ANKRD6: variants seen among roughly 807,000 people sequenced by gnomAD.
ANKRD6 encodes the protein ankyrin repeat domain-containing protein 6.
Under a neutral mutation model 82.3 loss-of-function variants are expected in ANKRD6, and 56 were observed. The observed-to-expected ratio is 0.68, with a 90% CI of 0.55 to 0.85. The LOEUF is 0.85. ANKRD6 is among the 40% of genes least tolerant of loss of function. The probability of loss-of-function intolerance (pLI) is 0.00; values close to 1 mark genes in which losing one functional copy is unlikely to be tolerated. For missense variants in ANKRD6, 852 were observed against 907.6 expected (o/e 0.94, Z 0.79); for synonymous variants, 347 against 352.1 (o/e 0.99, Z 0.16).
chr6:89,539,873 CAA>C (rs749956078), intron 1 of ANKRD6, among the ~76,000 whole-genome samples: 1 of 135,332 alleles, frequency 7.4e-6, no homozygotes. Flanking sequence ...TTGGATTCTA[CAA>C]AAAAAAAAAA....
intron 2 of ANKRD6, among the ~76,000 whole-genome samples, chr6:89,592,515 A>C (rs1795101843): frequency 6.6e-6 from 1 of 152,140 alleles, no homozygotes; most frequent in East Asian, 1.9e-4. Flanking sequence ...TCATTTCTCC[A>C]CTGGCGGTTC....
intron 2 of ANKRD6, among the ~76,000 whole-genome samples, chr6:89,580,040 G>C (rs74925007): frequency 0.11 from 17,114 of 152,098 alleles, 1,191 homozygotes; most frequent in Middle Eastern, 0.2. Flanking sequence ...GGAGATGGTG[G>C]GAAATTATTG....
chr6:89,518,388 G>A (rs1781478859), intron 1 of ANKRD6, among the ~76,000 whole-genome samples: 1 of 149,310 alleles, frequency 6.7e-6, no homozygotes, highest in African/African-American at 2.5e-5. Flanking sequence ...GGCAACAAGA[G>A]TAAGACTCCG....
At position 89,620,985 on chromosome 6, in the gene ANKRD6, C is replaced by T. The variant is rs557730941; in HGVS notation, c.793-937C>T. On this transcript the variant is annotated intron_variant, in intron 9 of 15. Coordinates refer to ENST00000339746, the MANE Select transcript of ANKRD6 (RefSeq NM_001242809.2). ...TCGGGAAGCTGAGGCAGGAGAATGG[C>T]GTGAACCCGGGAGGCGGAGCTTGCA... is the stretch of plus-strand genomic sequence containing the variant. Among the ~76,000 whole-genome samples, 6 of 152,150 alleles carry T rather than the reference C, an allele frequency of 3.9e-5. No individual in the cohort carries two copies. In the East Asian group the frequency reaches 5.8e-4, roughly 15 times the overall value.
At chr6:89,610,813 A>C (rs566073181) in intron 5 of ANKRD6, among the ~76,000 whole-genome samples, 1 of 152,080 alleles carries the variant, frequency 6.6e-6, no homozygotes, top group Admixed American at 6.5e-5. Flanking sequence ...TAAAAAAAAA[A>C]AAAACCTGAA....
At chr6:89,557,848 G>T (rs556004104) in intron 1 of ANKRD6, among the ~76,000 whole-genome samples, 1 of 152,058 alleles carries the variant, frequency 6.6e-6, no homozygotes, top group African/African-American at 2.4e-5. Flanking sequence ...AGGGATCTGG[G>T]TCATGTTCTC....
chr6:89,460,265 T>C (rs1015977553), intron 1 of ANKRD6, among the ~76,000 whole-genome samples: 1 of 151,990 alleles, frequency 6.6e-6, no homozygotes, highest in Non-Finnish European at 1.5e-5. Context: ...CTTTTTTTAC[T>C]TAAAGTTTTA....
chr6:89,534,913 T>C (rs1207214831), intron 1 of ANKRD6, among the ~76,000 whole-genome samples: 1 of 152,184 alleles, frequency 6.6e-6, no homozygotes, highest in East Asian at 1.9e-4. Context: ...AGCTAATGTC[T>C]GAGAAAGGCT....
At chr6:89,464,346 A>G (rs917824232) in intron 1 of ANKRD6, among the ~76,000 whole-genome samples, 3 of 152,228 alleles carry the variant, frequency 2.0e-5, no homozygotes, top group Non-Finnish European at 2.9e-5. Flanking sequence ...AGCTTGTTTT[A>G]TACTGATTCT....
intron 1 of ANKRD6, among the ~76,000 whole-genome samples, chr6:89,475,286 G>A (rs1425334984): frequency 1.3e-5 from 2 of 152,144 alleles, no homozygotes; most frequent in Non-Finnish European, 2.9e-5. Context: ...AAAAATATCA[G>A]AGTCATGCAC....
intron 1 of ANKRD6, among the ~76,000 whole-genome samples, chr6:89,440,142 G>A (rs370978424): frequency 6.6e-6 from 1 of 152,166 alleles, no homozygotes; most frequent in African/African-American, 2.4e-5. Flanking sequence ...AAAAACAAAT[G>A]GAAGTTTATT....
Position 89,608,368 on chromosome 6 carries a change from C to CACACACACACACACACACACACACTA in ANKRD6, c.417+2263_417+2264insACACACACACACACACACACACACTA. On this transcript the variant is annotated intron_variant, in intron 5 of 15. Coordinates refer to ENST00000339746, the MANE Select transcript of ANKRD6 (RefSeq NM_001242809.2). ...ACCCTCCCTAATACACACACACACA[C>CACACACACACACACACACACACACTA]TATATATATATATATATGTACAATT... Among the ~76,000 whole-genome samples the CACACACACACACACACACACACACTA allele has an allele frequency of 3.3e-4, 43 of 130,746 alleles. 1 individual carries two copies. Among genetic ancestry groups the CACACACACACACACACACACACACTA allele is most frequent in the African/African-American group, 1.3e-3 (41 of 32,740 alleles). The allele number at this position is 130,746 out of a possible 152,430, so 85.8% of individuals were successfully genotyped here. A position where few individuals can be genotyped will look rare whatever the true frequency, so the allele number is the denominator to read the frequency against.
At chr6:89,524,951 G>T (rs757922552) in intron 1 of ANKRD6, among the ~76,000 whole-genome samples, 31 of 151,666 alleles carry the variant, frequency 2.0e-4, no homozygotes, top group Non-Finnish European at 4.1e-4. Context: ...TCTGATTATG[G>T]TTTTAATTTG....
At chr6:89,576,415 G>A (rs187102555) in intron 2 of ANKRD6, among the ~76,000 whole-genome samples, 14 of 152,254 alleles carry the variant, frequency 9.2e-5, no homozygotes, top group African/African-American at 3.4e-4. Flanking sequence ...TTTTCAGCTG[G>A]AACAGGTAAT....
chr6:89,471,066 T>C (rs1478089007), intron 1 of ANKRD6, among the ~76,000 whole-genome samples: 1 of 152,092 alleles, frequency 6.6e-6, no homozygotes, highest in Non-Finnish European at 1.5e-5. Flanking sequence ...CACACACTTA[T>C]GTGTTTTCCT....
At chr6:89,497,827 C>T (rs913995433) in intron 1 of ANKRD6, among the ~76,000 whole-genome samples, 1 of 152,134 alleles carries the variant, frequency 6.6e-6, no homozygotes, top group African/African-American at 2.4e-5. Flanking sequence ...AGTTTGAGAA[C>T]GTTTTCATTA....
chr6:89,593,849 G>A (rs527551091), intron 2 of ANKRD6, among the ~76,000 whole-genome samples: 2 of 152,204 alleles, frequency 1.3e-5, no homozygotes, highest in African/African-American at 2.4e-5. Flanking sequence ...TCTCTAGATA[G>A]AAGTTGATTC....
intron 5 of ANKRD6, among the ~76,000 whole-genome samples, chr6:89,609,285 T>C (rs1799584317): frequency 6.6e-6 from 1 of 151,800 alleles, no homozygotes; most frequent in South Asian, 2.1e-4. Context: ...GGAACAGGAG[T>C]TGATGGTGTG....
chr6:89,506,558 G>A (rs933896394), intron 1 of ANKRD6, among the ~76,000 whole-genome samples: 7 of 152,054 alleles, frequency 4.6e-5, no homozygotes, highest in Non-Finnish European at 8.8e-5. Context: ...CAAGCGATCC[G>A]CCCTCCTTGG....
Sources: gnomAD v4.1 joint callset for allele counts (sites outside exome capture counted in the v4.1 genomes callset) on GRCh38, gnomAD v4.1.1 for gene constraint, MANE v1.5 for transcripts, NCBI Gene and HGNC (gene_info 2026-07-23, HGNC 2026-07-21) for gene names.